Variants in DCC observed in about 807,000 individuals in gnomAD.
DCC encodes the protein netrin receptor DCC.
DCC carries 58 observed loss-of-function variants against 172.5 expected under a neutral mutation model. The ratio of observed to expected loss-of-function variants is 0.34; its 90% CI spans 0.27 to 0.42. The LOEUF (loss-of-function observed/expected upper bound fraction) is 0.42. DCC is among the 10% of genes least tolerant of loss of function. The pLI is 1.00. For synonymous variants in DCC, 709 were observed against 644.5 expected (o/e 1.10, Z -1.52); for missense variants, 1,740 against 1,791.0 (o/e 0.97, Z 0.51).
At chr18:53,388,173 C>G (rs994200197) in intron 16 of DCC, among the ~76,000 whole-genome samples, 3 of 152,040 alleles carry the variant, frequency 2.0e-5, no homozygotes, top group Non-Finnish European at 4.4e-5. Flanking sequence ...TGGAGAAAAG[C>G]CAGTTAAGGG....
chr18:52,922,039 T>G (rs2145483023), intron 3 of DCC, among the ~76,000 whole-genome samples: 1 of 151,766 alleles, frequency 6.6e-6, no homozygotes, highest in East Asian at 1.9e-4. Flanking sequence ...CAAACCATAT[T>G]TGCGAGATTT....
At chr18:53,312,372 AAAAGAT>A (rs2057285389) in intron 13 of DCC, among the ~76,000 whole-genome samples, 1 of 145,514 alleles carries the variant, frequency 6.9e-6, no homozygotes, top group Admixed American at 6.9e-5. Context: ...AAGAAAAAGA[AAAAGAT>A]AAAGATTACC....
intron 1 of DCC, among the ~76,000 whole-genome samples, chr18:52,478,530 A>G (rs1989161510): frequency 6.6e-6 from 1 of 152,228 alleles, no homozygotes; most frequent in African/African-American, 2.4e-5. Flanking sequence ...ATAAAGAAAT[A>G]CCTGAGACTG....
At position 53,526,697 on chromosome 18, in the gene DCC, T is replaced by C; in HGVS notation, c.4192T>C (p.Ser1398Pro). 6.2e-7 allele frequency: 1 copy of C among 1,613,590 alleles called. No homozygotes were observed. The highest frequency in any genetic ancestry group is 8.5e-7 in the Non-Finnish European group (1 of 1,179,696). Reference sequence around the variant, plus strand: ...AGCAAGATCCCCTTTGCTTCCTGTGTCTGTGCCAACAGCCCCTGAAGTGTC... The same window carrying C: ...AGCAAGATCCCCTTTGCTTCCTGTGCCTGTGCCAACAGCCCCTGAAGTGTC... ...GKARSPLLPVSVPTAPEVSEE... is the reference protein window; with the variant it reads ...GKARSPLLPVPVPTAPEVSEE... The change falls in exon 28 of 29, where the codon TCT becomes CCT. Residue 1398 changes from serine to proline, a missense_variant. Ser to Pro is a moderately conservative substitution (Grantham distance 74). Around this residue, in one of 2 missense-constraint regions of DCC, gnomAD observed 1,732 missense variants for 1,767.4 expected, o/e 0.98. Coordinates refer to ENST00000442544, the MANE Select transcript of DCC (RefSeq NM_005215.4).
chr18:52,646,585 T>C (rs1213061549), intron 1 of DCC, among the ~76,000 whole-genome samples: 1 of 152,160 alleles, frequency 6.6e-6, no homozygotes, highest in East Asian at 1.9e-4. Context: ...GTTCAATAAT[T>C]TGCCAGCACT....
intron 1 of DCC, among the ~76,000 whole-genome samples, chr18:52,613,050 T>C (rs1269015560): frequency 6.6e-6 from 1 of 152,218 alleles, no homozygotes; most frequent in Admixed American, 6.5e-5. Flanking sequence ...TTGGATGTTA[T>C]AGACAGGATG....
intron 1 of DCC, among the ~76,000 whole-genome samples, chr18:52,602,096 C>A (rs1299619794): frequency 6.6e-6 from 1 of 152,036 alleles, no homozygotes; most frequent in South Asian, 2.1e-4. Flanking sequence ...TCCAACATAT[C>A]TTTCATTCTT....
At chr18:52,568,545 C>T (rs1319534910) in intron 1 of DCC, among the ~76,000 whole-genome samples, 3 of 152,136 alleles carry the variant, frequency 2.0e-5, no homozygotes, top group Non-Finnish European at 4.4e-5. Flanking sequence ...TTCATAAGTG[C>T]TTGCTATTAT....
intron 2 of DCC, among the ~76,000 whole-genome samples, chr18:52,787,175 ACTTT>A (rs1400095560): frequency 6.6e-6 from 1 of 152,166 alleles, no homozygotes; most frequent in African/African-American, 2.4e-5. Flanking sequence ...GGTTGCTTTA[ACTTT>A]CTGAGTACAG....
At chr18:53,489,285 T>C (rs1333724051) in intron 26 of DCC, among the ~76,000 whole-genome samples, 2 of 152,204 alleles carry the variant, frequency 1.3e-5, no homozygotes, top group African/African-American at 2.4e-5. Context: ...CAAGAACTTT[T>C]TGAGCAAAGC....
At chr18:53,154,789 A>G (rs577120070) in intron 7 of DCC, among the ~76,000 whole-genome samples, 1 of 152,162 alleles carries the variant, frequency 6.6e-6, no homozygotes, top group Non-Finnish European at 1.5e-5. Context: ...ATCACCCAGG[A>G]GGAGAAGCAG....
chr18:52,875,050 A>G (rs1302091663), intron 2 of DCC, among the ~76,000 whole-genome samples: 1 of 152,070 alleles, frequency 6.6e-6, no homozygotes, highest in Non-Finnish European at 1.5e-5. Flanking sequence ...TTTGGGCCAG[A>G]CAGAGGAAGT....
intron 5 of DCC, among the ~76,000 whole-genome samples, chr18:53,033,107 G>C (rs1190988752): frequency 6.6e-6 from 1 of 152,086 alleles, no homozygotes; most frequent in Non-Finnish European, 1.5e-5. Flanking sequence ...AAAGTCAAAA[G>C]GGAATACAAT....
At chr18:53,094,640 C>T (rs1430417515) in intron 7 of DCC, among the ~76,000 whole-genome samples, 1 of 152,148 alleles carries the variant, frequency 6.6e-6, no homozygotes, top group African/African-American at 2.4e-5. Context: ...TACTTTATAT[C>T]TTCATAAGAA....
intron 2 of DCC, among the ~76,000 whole-genome samples, chr18:52,823,365 C>G (rs2038445288): frequency 6.6e-6 from 1 of 152,172 alleles, no homozygotes; most frequent in Non-Finnish European, 1.5e-5. Context: ...ATGGTCCTCA[C>G]TCCTGAGGGT....
chr18:52,564,641 G>A (rs1476076192), intron 1 of DCC, among the ~76,000 whole-genome samples: 2 of 136,096 alleles, frequency 1.5e-5, no homozygotes, highest in South Asian at 2.5e-4. Context: ...TGGGCCCAGG[G>A]TATGGGATAT....
At chr18:52,677,847 T>A (rs1469520738) in intron 1 of DCC, among the ~76,000 whole-genome samples, 1 of 152,138 alleles carries the variant, frequency 6.6e-6, no homozygotes, top group Non-Finnish European at 1.5e-5. Context: ...GTTGAGCAAG[T>A]ATATTAATAC....
intron 1 of DCC, among the ~76,000 whole-genome samples, chr18:52,444,353 G>T (rs1462011417): frequency 6.6e-6 from 1 of 152,116 alleles, no homozygotes; most frequent in Admixed American, 6.5e-5. Flanking sequence ...CCCACTCACT[G>T]GAAGACTTCT....
At chr18:53,201,465 C>T (rs2055536332) in intron 9 of DCC, among the ~76,000 whole-genome samples, 1 of 152,164 alleles carries the variant, frequency 6.6e-6, no homozygotes, top group African/African-American at 2.4e-5. Flanking sequence ...TCTCAATGTT[C>T]TCGTTCCTTT....
Sources: allele counts gnomAD v4.1 joint callset (sites outside exome capture counted in the v4.1 genomes callset), GRCh38; gene constraint gnomAD v4.1.1; regional missense constraint gnomAD v4.1.1; transcripts MANE v1.5; gene names NCBI Gene and HGNC (gene_info 2026-07-23, HGNC 2026-07-21).